Variants in USH2A observed in about 807,000 individuals in gnomAD.
USH2A encodes the protein usherin.
Under a neutral mutation model 538.9 loss-of-function variants are expected in USH2A, and 443 were observed. The observed-to-expected ratio is 0.82, with a 90% CI of 0.76 to 0.89. The LOEUF (loss-of-function observed/expected upper bound fraction) is 0.89, where lower values mean the gene tolerates loss of function less well. Among genes scored for constraint, USH2A ranks in the 40% least tolerant of loss-of-function variants. The probability of loss-of-function intolerance (pLI) is 0.00; values close to 1 mark genes in which losing one functional copy is unlikely to be tolerated. For synonymous variants in USH2A, 2,413 were observed against 2,273.5 expected, an observed-to-expected ratio of 1.06 and a Z score of -1.75; for missense variants, 6,633 against 6,324.8, an observed-to-expected ratio of 1.05 and a Z score of -1.65.
At chr1:216,245,511 G>A (rs2036022373) in intron 13 of USH2A, among the ~76,000 whole-genome samples, 1 of 144,584 alleles carries the variant, frequency 6.9e-6, no homozygotes, top group Admixed American at 7.1e-5. Flanking sequence ...GAGAGAGAGA[G>A]AGAGAGACAA....
At chr1:215,852,983 A>G (rs1664059113) in intron 44 of USH2A, among the ~76,000 whole-genome samples, 1 of 152,176 alleles carries the variant, frequency 6.6e-6, no homozygotes, top group South Asian at 2.1e-4. Flanking sequence ...TCTGGGGTCT[A>G]GAGGACAGTG....
At chr1:215,783,788 C>T (rs1285413295) in intron 52 of USH2A, among the ~76,000 whole-genome samples, 5 of 152,148 alleles carry the variant, frequency 3.3e-5, no homozygotes, top group Non-Finnish European at 5.9e-5. Context: ...TTCTGGATGA[C>T]TCTTTCTCAG....
intron 61 of USH2A, among the ~76,000 whole-genome samples, chr1:215,691,136 C>A (rs1429398240): frequency 6.6e-6 from 1 of 152,130 alleles, no homozygotes; most frequent in Non-Finnish European, 1.5e-5. Context: ...CCCTCCTCGG[C>A]CTCCCAAAGT....
At chr1:216,240,013 C>CG (rs2035904975) in intron 13 of USH2A, among the ~76,000 whole-genome samples, 1 of 112,282 alleles carries the variant, frequency 8.9e-6, no homozygotes, top group African/African-American at 3.3e-5. Context: ...ATGAAATAAA[C>CG]AAAAAAAAAA....
At chr1:216,404,598 A>C (rs2039360644) in intron 3 of USH2A, among the ~76,000 whole-genome samples, 1 of 151,062 alleles carries the variant, frequency 6.6e-6, no homozygotes, top group South Asian at 2.1e-4. Flanking sequence ...AAAAAATATT[A>C]ACTCAAAGTG....
At chr1:215,762,512 T>C (rs1366436692) in intron 56 of USH2A, among the ~76,000 whole-genome samples, 2 of 152,206 alleles carry the variant, frequency 1.3e-5, no homozygotes, top group Admixed American at 6.6e-5. Flanking sequence ...AAGTTGGTAA[T>C]AACTCCATGC....
intron 30 of USH2A, among the ~76,000 whole-genome samples, chr1:216,059,523 T>G (rs1302334208): frequency 6.6e-6 from 1 of 152,248 alleles, no homozygotes; most frequent in Admixed American, 6.5e-5. Context: ...GATAGCATCC[T>G]TTGCCTATGA....
At chr1:216,021,184 C>T (rs963681832) in intron 32 of USH2A, among the ~76,000 whole-genome samples, 1 of 152,036 alleles carries the variant, frequency 6.6e-6, no homozygotes, top group Non-Finnish European at 1.5e-5. Context: ...GAACAAAAAC[C>T]TCTCATCTGC....
intron 61 of USH2A, among the ~76,000 whole-genome samples, chr1:215,720,700 G>A (rs1659632145): frequency 6.6e-6 from 1 of 151,888 alleles, no homozygotes; most frequent in African/African-American, 2.4e-5. Context: ...TGGGAGAAGG[G>A]CCCCCAGAGG....
chr1:216,090,693 A>C (rs1246351048), intron 22 of USH2A, among the ~76,000 whole-genome samples: 1 of 152,184 alleles, frequency 6.6e-6, no homozygotes, highest in Non-Finnish European at 1.5e-5. Context: ...AATTAAAACC[A>C]GAACTGGTGT....
intron 15 of USH2A, among the ~76,000 whole-genome samples, chr1:216,210,144 T>C (rs2035207845): frequency 6.6e-6 from 1 of 152,096 alleles, no homozygotes; most frequent in Non-Finnish European, 1.5e-5. Flanking sequence ...CTCAGTCGAT[T>C]AGTATGAAAT....
intron 38 of USH2A, among the ~76,000 whole-genome samples, chr1:215,913,752 TA>T (rs1665874071): frequency 6.6e-6 from 1 of 151,940 alleles, no homozygotes; most frequent in Non-Finnish European, 1.5e-5. Flanking sequence ...TTTTTTTCCA[TA>T]AAAGTTGAGT....
chr1:215,915,921 A>G (rs993383781), intron 38 of USH2A, among the ~76,000 whole-genome samples: 1 of 151,444 alleles, frequency 6.6e-6, no homozygotes, highest in Non-Finnish European at 1.5e-5. Context: ...ATCATTCTCA[A>G]TAAACTATCA....
intron 32 of USH2A, among the ~76,000 whole-genome samples, chr1:216,039,542 A>C (rs917359830): frequency 6.6e-6 from 1 of 152,006 alleles, no homozygotes; most frequent in African/African-American, 2.4e-5. Flanking sequence ...TCCTTTAGGT[A>C]ATAGTATTTT....
At chr1:216,328,602 T>C (rs562693940) in intron 4 of USH2A, among the ~76,000 whole-genome samples, 11 of 152,224 alleles carry the variant, frequency 7.2e-5, no homozygotes, top group African/African-American at 2.2e-4. Flanking sequence ...TCTGTCTTGA[T>C]AGAGTTTTAA....
chr1:216,312,618 T>A (rs1461587052), intron 9 of USH2A, among the ~76,000 whole-genome samples: 1 of 152,118 alleles, frequency 6.6e-6, no homozygotes, highest in Non-Finnish European at 1.5e-5. Flanking sequence ...GTGTTTCTGA[T>A]CTCTAGCTTT....
At position 216,046,590 on chromosome 1, in the gene USH2A, G is replaced by T; in HGVS notation, c.6166C>A (p.Pro2056Thr). The T allele has an allele frequency of 6.2e-7, 1 of 1,613,638 alleles. No homozygotes were observed. Among genetic ancestry groups the T allele is most frequent in the Non-Finnish European group, 8.5e-7 (1 of 1,179,674 alleles). ...GCTACTGGTGGCTGAACCTCTTGTG[G>T]GGCTGTGGAAGAAAAGATTTATAGA... ...ALNISTPQEA[P>T]QEVQPPVAKS... Residue 2056 changes from proline to threonine, a missense_variant and splice_region_variant, in exon 32 of 72, where the codon CCA becomes ACA. Coordinates refer to ENST00000307340, the MANE Select transcript of USH2A (RefSeq NM_206933.4).
rs375161723 is a variant in USH2A, at chr1:216,074,296, CGAGTTTG to C, written c.5573-1003_5573-997del. On this transcript the variant is annotated intron_variant, in intron 27 of 71. Coordinates refer to ENST00000307340, the MANE Select transcript of USH2A (RefSeq NM_206933.4). ...TGCACGAAATTGGGACAAACAGGAC[CGAGTTTG>C]AGATTGCTGTAGCGTGCATGTTCTC... 0.049 allele frequency among the ~76,000 whole-genome samples: 7,468 copies of C among 150,884 alleles called. 259 individuals carry two copies. The highest frequency in any genetic ancestry group is 0.074 in the Non-Finnish European group (5,030 of 67,864).
intron 35 of USH2A, among the ~76,000 whole-genome samples, chr1:215,978,146 T>C (rs184373782): frequency 2.9e-3 from 446 of 152,282 alleles, no homozygotes; most frequent in African/African-American, 1.0e-2. Flanking sequence ...AATTAAAATG[T>C]TCTGATCACT....
Sources: allele counts gnomAD v4.1 joint callset (sites outside exome capture counted in the v4.1 genomes callset), GRCh38; gene constraint gnomAD v4.1.1; transcripts MANE v1.5; gene names NCBI Gene and HGNC (gene_info 2026-07-23, HGNC 2026-07-21).